ENPP2: variants seen among roughly 807,000 people sequenced by gnomAD.
ENPP2 encodes the protein autotaxin.
In ENPP2, 51 loss-of-function variants were observed where a neutral mutation model predicts 120.2. That is an observed-to-expected ratio of 0.42 (90% confidence interval 0.34 to 0.54). The LOEUF (loss-of-function observed/expected upper bound fraction) is 0.54. Among genes scored for constraint, ENPP2 ranks in the 20% least tolerant of loss-of-function variants. The pLI, the probability that ENPP2 is intolerant of heterozygous loss-of-function variation, is 0.04. For synonymous variants in ENPP2, 365 were observed against 366.4 expected (o/e 1.00, Z 0.04); for missense variants, 920 against 1,066.5 (o/e 0.86, Z 1.91).
intron 19 of ENPP2, among the ~76,000 whole-genome samples, chr8:119,577,350 A>C (rs1323056114): frequency 6.6e-6 from 1 of 152,236 alleles, no homozygotes; most frequent in Non-Finnish European, 1.5e-5. Context: ...GTTCACATTC[A>C]CAAGGATCTC....
intron 13 of ENPP2, among the ~76,000 whole-genome samples, chr8:119,587,427 C>T (rs1454273306): frequency 1.3e-5 from 2 of 152,154 alleles, no homozygotes; most frequent in African/African-American, 4.8e-5. Context: ...GCAGTTTGAC[C>T]TCAGGAACTA....
chr8:119,603,366 T>C (rs545120333), intron 9 of ENPP2, among the ~76,000 whole-genome samples: 2 of 152,126 alleles, frequency 1.3e-5, no homozygotes, highest in East Asian at 1.9e-4. Context: ...AATGGAAAAA[T>C]ACAAACTAAC....
At chr8:119,650,714 G>A (rs1817603224) in intron 1 of ENPP2, among the ~76,000 whole-genome samples, 1 of 152,174 alleles carries the variant, frequency 6.6e-6, no homozygotes, top group Non-Finnish European at 1.5e-5. Flanking sequence ...GCCCCTGTGT[G>A]TGTGATGAAA....
At chr8:119,637,734 C>T (rs375385904) in intron 2 of ENPP2, among the ~76,000 whole-genome samples, 27 of 152,312 alleles carry the variant, frequency 1.8e-4, no homozygotes, top group African/African-American at 6.5e-4. Context: ...GTTAAGCCCC[C>T]TCTGTCTGCA....
At chr8:119,582,703 G>T in intron 17 of ENPP2, 101 bp from the exon 18 acceptor site, 1 of 872,634 alleles carries the variant, frequency 1.1e-6, no homozygotes, top group Non-Finnish European at 1.8e-6. Flanking sequence ...TGAAAACTGT[G>T]AACACAAATC....
At chr8:119,615,232 C>T (rs1815379675) in intron 8 of ENPP2, among the ~76,000 whole-genome samples, 1 of 152,054 alleles carries the variant, frequency 6.6e-6, no homozygotes, top group African/African-American at 2.4e-5. Flanking sequence ...TTCTCCCAGC[C>T]CTCTTCTCTA....
At chr8:119,590,708 C>T (rs1478515592) in intron 12 of ENPP2, 78 bp from the exon 13 acceptor site, 21 of 1,027,196 alleles carry the variant, frequency 2.0e-5, no homozygotes, top group Non-Finnish European at 2.7e-5. Flanking sequence ...AGATAACATC[C>T]AGGCATCTCT....
chr8:119,595,813 C>G, intron 11 of ENPP2: 1 of 1,609,386 alleles, frequency 6.2e-7, no homozygotes, highest in Non-Finnish European at 8.5e-7. Context: ...CAGACCTGCC[C>G]GCCACAAAGC....
At chr8:119,660,672 A>C (rs755668666) in intron 1 of ENPP2, among the ~76,000 whole-genome samples, 3 of 152,232 alleles carry the variant, frequency 2.0e-5, no homozygotes, top group African/African-American at 4.8e-5. Context: ...TCTAAAAATG[A>C]GAATAACAGT....
chr8:119,568,793 C>A (rs1814703585), intron 21 of ENPP2, among the ~76,000 whole-genome samples: 2 of 152,062 alleles, frequency 1.3e-5, no homozygotes, highest in African/African-American at 4.8e-5. Context: ...GAGACAAGGT[C>A]TTGCTATGTT....
intron 12 of ENPP2, among the ~76,000 whole-genome samples, chr8:119,591,944 C>G (rs1813535883): frequency 6.6e-6 from 1 of 152,098 alleles, no homozygotes; most frequent in South Asian, 2.1e-4. Context: ...TTATGCCACC[C>G]CAAATGTGAG....
At chr8:119,655,283 G>A (rs1817736973) in intron 1 of ENPP2, among the ~76,000 whole-genome samples, 1 of 152,188 alleles carries the variant, frequency 6.6e-6, no homozygotes, top group Admixed American at 6.5e-5. Context: ...ATAATCCTTT[G>A]TAAACAGAGA....
chr8:119,562,736 T>G, intron 24 of ENPP2, 121 bp downstream of exon 24: 1 of 1,028,880 alleles, frequency 9.7e-7, no homozygotes, highest in Non-Finnish European at 1.4e-6. Flanking sequence ...TTCCTTTCTT[T>G]TTTCTGTTTA....
At chr8:119,599,808 C>A (rs534432869) in intron 11 of ENPP2, among the ~76,000 whole-genome samples, 1 of 152,114 alleles carries the variant, frequency 6.6e-6, no homozygotes, top group Admixed American at 6.5e-5. Context: ...GAGTTAGAGA[C>A]CAGCCTGGCA....
chr8:119,591,755 C>T (rs116725283), intron 12 of ENPP2, among the ~76,000 whole-genome samples: 1,881 of 152,222 alleles, frequency 0.012, 20 homozygotes, highest in African/African-American at 0.034. Flanking sequence ...CAAGAAAAAA[C>T]ACACAGCATA....
In ENPP2 at chr8:119,626,695, G is replaced by C; in HGVS notation, c.162C>G (p.Asn54Lys). 6.2e-7 allele frequency: 1 copy of C among 1,614,116 alleles called. No individual in the cohort carries two copies. Among genetic ancestry groups the C allele is most frequent in the Non-Finnish European group, 8.5e-7 (1 of 1,179,966 alleles). Residue 54 changes from asparagine (N) to lysine (K), a missense_variant, in exon 3 of 25, where the codon AAC (asparagine) becomes AAG (lysine). Asn to Lys is a moderately conservative substitution (Grantham distance 94, BLOSUM62 0). Coordinates refer to ENST00000075322, the MANE Select transcript of ENPP2 (RefSeq NM_001040092.3). ...PTVLSDSPWT[N>K]ISGSCKGRCF... Reference sequence around the variant, plus strand: ...ACCTGCCCTTGCAAGATCCGGAGATGTTGGTCCAGGGGGAGTCTGATAGCA... The same window carrying C: ...ACCTGCCCTTGCAAGATCCGGAGATCTTGGTCCAGGGGGAGTCTGATAGCA...
At chr8:119,581,644 C>G (rs540058061) in intron 18 of ENPP2, among the ~76,000 whole-genome samples, 1 of 152,270 alleles carries the variant, frequency 6.6e-6, no homozygotes, top group South Asian at 2.1e-4. Context: ...AGGTACTATG[C>G]GAACCCCAGG....
chr8:119,599,827 C>T (rs367701049), intron 11 of ENPP2, among the ~76,000 whole-genome samples: 1 of 151,970 alleles, frequency 6.6e-6, no homozygotes. Flanking sequence ...CACAACATGG[C>T]GGAAGCCTGT....
At chr8:119,633,614 T>C (rs1238949699) in intron 2 of ENPP2, among the ~76,000 whole-genome samples, 3 of 152,006 alleles carry the variant, frequency 2.0e-5, no homozygotes, top group Non-Finnish European at 4.4e-5. Flanking sequence ...GAGTATATGG[T>C]TCGTTCTTTC....
Sources: gnomAD v4.1 joint callset for allele counts (sites outside exome capture counted in the v4.1 genomes callset) on GRCh38, gnomAD v4.1.1 for gene constraint, MANE v1.5 for transcripts, NCBI Gene and HGNC (gene_info 2026-07-23, HGNC 2026-07-21) for gene names.